CARHSP1: variants seen among roughly 807,000 people sequenced by gnomAD.
CARHSP1 encodes the protein calcium regulated heat stable protein 1.
In CARHSP1, 14 loss-of-function variants were observed where a neutral mutation model predicts 12.5. The observed-to-expected ratio is 1.12, with a 90% CI of 0.74 to 1.75. The LOEUF is 1.75. Ranked by LOEUF, CARHSP1 falls within the 40% of genes most tolerant of loss-of-function variation. The probability of loss-of-function intolerance (pLI) is 0.00; values close to 1 mark genes in which losing one functional copy is unlikely to be tolerated. For missense variants in CARHSP1, 343 were observed against 201.6 expected, an observed-to-expected ratio of 1.70 and a Z score of -4.25; for synonymous variants, 161 against 82.0, an observed-to-expected ratio of 1.96 and a Z score of -5.20.
Position 8,859,297 on chromosome 16 carries a change from G to A in CARHSP1, c.32C>T (p.Pro11Leu), listed in dbSNP as rs1331169856. The change falls in exon 2 of 4, where the codon CCC (proline) becomes CTC (leucine). Residue 11 changes from proline to leucine, a missense_variant. Coordinates refer to ENST00000311052, the MANE Select transcript of CARHSP1 (RefSeq NM_014316.4). ...CCCGACTGAAGCTTGATGGGTGGGG[G>A]GCTGTGGTGGTGGGGGAGGCTCAGA... MSSEPPPPPQ[P>L]PTHQASVGLL... The A allele has an allele frequency of 1.9e-6, 3 of 1,603,430 alleles. No homozygotes were observed. Among genetic ancestry groups the A allele is most frequent in the Non-Finnish European group, 1.7e-6 (2 of 1,177,964 alleles).
At chr16:8,861,524 C>A (rs2061354785) in intron 1 of CARHSP1, 2 of 1,066,436 alleles carry the variant, frequency 1.9e-6, no homozygotes, top group Non-Finnish European at 2.5e-6. Context: ...CCAGGCCCGA[C>A]TGCTCAGAGG....
Position 8,855,002 on chromosome 16 carries a change from C to T in CARHSP1, c.*162G>A, listed in dbSNP as rs1376656644. The T allele has an allele frequency of 1.1e-5, 6 of 522,762 alleles. No individual in the cohort carries two copies. Among genetic ancestry groups the T allele is most frequent in the Admixed American group, 3.7e-5 (1 of 27,288 alleles). 32.4% of individuals were successfully genotyped at this position (522,762 alleles called of 1,614,324 possible). ...GCTGATGGCCGGGAACACCCCACAC[C>T]CCACACCTGCCCCCCATACCCCTTC... On this transcript the variant is annotated 3_prime_UTR_variant, in exon 4 of 4. Coordinates refer to ENST00000311052, the MANE Select transcript of CARHSP1 (RefSeq NM_014316.4).
At chr16:8,856,625 G>A (rs574237348) in intron 3 of CARHSP1, among the ~76,000 whole-genome samples, 8 of 150,770 alleles carry the variant, frequency 5.3e-5, no homozygotes, top group South Asian at 4.2e-4. Context: ...AGCATGGGGC[G>A]GGGGTGGGCA....
At chr16:8,860,031 C>T (rs2061299773) in intron 1 of CARHSP1, 2 of 528,886 alleles carry the variant, frequency 3.8e-6, no homozygotes, top group African/African-American at 4.1e-5. Context: ...TAGATCCAAA[C>T]TCAGCCACTC....
At chr16:8,867,013 G>A (rs1162092434) in intron 1 of CARHSP1, among the ~76,000 whole-genome samples, 1 of 152,128 alleles carries the variant, frequency 6.6e-6, no homozygotes, top group Non-Finnish European at 1.5e-5. Flanking sequence ...GCCATTGCCT[G>A]TGCCCCCATT....
intron 2 of CARHSP1, 54 bp downstream of exon 2, chr16:8,859,117 G>A: frequency 2.0e-6 from 3 of 1,491,316 alleles, no homozygotes. Flanking sequence ...TGAATCTCTG[G>A]CCTCAGGCAA....
At position 8,853,603 on chromosome 16, in the gene CARHSP1, G is replaced by A. The variant is rs910168369; in HGVS notation, c.*1561C>T. 2.6e-5 allele frequency: 4 copies of A among 152,170 alleles called. No homozygotes were observed. Among genetic ancestry groups the A allele is most frequent in the East Asian group, 1.9e-4 (1 of 5,204 alleles). The allele number at this position is 152,170 out of a possible 1,614,324, so 9.4% of individuals were successfully genotyped here. On this transcript the variant is annotated 3_prime_UTR_variant, in exon 4 of 4. Coordinates refer to ENST00000311052, the MANE Select transcript of CARHSP1 (RefSeq NM_014316.4). ...TCATGCTTCCAGCATCAAACTGGACGTTTACTGTCTGCCCAAAAGCCAGTT... is the reference window on the plus strand; with the variant it reads ...TCATGCTTCCAGCATCAAACTGGACATTTACTGTCTGCCCAAAAGCCAGTT...
At chr16:8,858,678 C>G (rs954024254) in intron 2 of CARHSP1, 1 of 576,236 alleles carries the variant, frequency 1.7e-6, no homozygotes, top group South Asian at 2.6e-5. Context: ...TGACCCTGGC[C>G]AATTTTCTCG....
chr16:8,867,215 A>T (rs925722851), intron 1 of CARHSP1: 1 of 147,704 alleles, frequency 6.8e-6, no homozygotes, highest in East Asian at 2.0e-4. Flanking sequence ...CAATCCCTCC[A>T]TCCTTCCCTC....
At chr16:8,862,204 C>T (rs538237105) in intron 1 of CARHSP1, among the ~76,000 whole-genome samples, 1 of 151,930 alleles carries the variant, frequency 6.6e-6, no homozygotes, top group South Asian at 2.1e-4. Context: ...TACCCCTTGC[C>T]TGCTGTGTGG....
rs2061242233 is a variant in CARHSP1 at position 8,858,803 on chromosome 16, G to A, written c.159-331C>T. 4.3e-5 allele frequency: 18 copies of A among 418,302 alleles called. 1 individual carries two copies. In the South Asian group the frequency reaches 7.1e-4, roughly 17 times the overall value. The allele number at this position is 418,302 out of a possible 1,614,324, so 25.9% of individuals were successfully genotyped here. ...AGCATCCTCCACTCGCAAGGCCTGAGACCTGCATCTGCCAGGCATTATGTG... is the reference window on the plus strand; with the variant it reads ...AGCATCCTCCACTCGCAAGGCCTGAAACCTGCATCTGCCAGGCATTATGTG... On this transcript the variant is annotated intron_variant, in intron 2 of 3. Transcript: ENST00000311052.
intron 1 of CARHSP1, chr16:8,860,293 C>G (rs1360149923): frequency 2.0e-6 from 2 of 983,744 alleles, no homozygotes; most frequent in Non-Finnish European, 1.2e-6. Context: ...AATTTCCACA[C>G]AGCCCGGGTC....
chr16:8,858,252 ACACC>A, intron 3 of CARHSP1, 94 bp downstream of exon 3: 1 of 1,410,398 alleles, frequency 7.1e-7, no homozygotes, highest in Non-Finnish European at 9.6e-7. Flanking sequence ...ATTCGTCCTC[ACACC>A]CAGCGCCCAT....
In CARHSP1 at chr16:8,859,251, G is replaced by A; in HGVS notation, c.78C>T (p.Ser26=). ...ASVGLLDTPR[S]RERSPSPLRG... is the part of the protein sequence containing the mutation. Reference sequence around the variant, plus strand: ...GCAGAGGGGATGGTGAGCGCTCACGGCTCCGAGGGGTGTCCAGCAGCCCGA... The same window carrying A: ...GCAGAGGGGATGGTGAGCGCTCACGACTCCGAGGGGTGTCCAGCAGCCCGA... The change falls in exon 2 of 4, where the codon AGC becomes AGT. Residue 26 remains serine (S), a synonymous_variant. Coordinates refer to ENST00000311052, the MANE Select transcript of CARHSP1 (RefSeq NM_014316.4). 1.9e-6 allele frequency: 3 copies of A among 1,601,008 alleles called. No individual in the cohort carries two copies. Among genetic ancestry groups the A allele is most frequent in the Non-Finnish European group, 1.7e-6 (2 of 1,176,554 alleles).
chr16:8,865,084 G>C (rs1329956369), intron 1 of CARHSP1, among the ~76,000 whole-genome samples: 1 of 152,200 alleles, frequency 6.6e-6, no homozygotes, highest in Non-Finnish European at 1.5e-5. Context: ...ACTCTAGTAA[G>C]AGGGAGCTCA....
intron 1 of CARHSP1, among the ~76,000 whole-genome samples, chr16:8,863,998 C>T (rs2061414140): frequency 6.6e-6 from 1 of 152,156 alleles, no homozygotes; most frequent in African/African-American, 2.4e-5. Context: ...CTTCAGCTCC[C>T]CACAGCTGGG....
rs771310311 is a variant in CARHSP1, at chr16:8,858,335, C to T, written c.281+15G>A. 2 of 1,612,142 alleles carry T rather than the reference C, an allele frequency of 1.2e-6. No individual in the cohort carries two copies. The highest frequency in any genetic ancestry group is 1.7e-6 in the Non-Finnish European group (2 of 1,179,670). ...CCCACCCCAGCCAGGCCACCCAGAC[C>T]TGCCGCTGACTCACTCAGAGATGTG... is the stretch of plus-strand genomic sequence containing the variant. On this transcript the variant is annotated intron_variant, in intron 3 of 3. Transcript: ENST00000311052.
chr16:8,859,291 G>A lies in CARHSP1; in HGVS notation c.38C>T (p.Thr13Ile), dbSNP rs1181581992. Residue 13 changes from threonine (T) to isoleucine (I), a missense_variant, in exon 2 of 4, where the codon ACC becomes ATC. Transcript: ENST00000311052. The stretch of plus-strand genomic sequence containing the variant: ...CAGCAGCCCGACTGAAGCTTGATGG[G>A]TGGGGGGCTGTGGTGGTGGGGGAGG... ...SEPPPPPQPP[T>I]HQASVGLLDT... 1 of 1,603,580 alleles carries A rather than the reference G, an allele frequency of 6.2e-7. No homozygotes were observed. The highest frequency in any genetic ancestry group is 1.1e-5 in the South Asian group (1 of 89,778).
chr16:8,858,739 C>T, intron 2 of CARHSP1: 1 of 496,782 alleles, frequency 2.0e-6, no homozygotes, highest in African/African-American at 1.9e-5. Flanking sequence ...CATCACTGAA[C>T]ATCCCTCCAG....
Sources: gnomAD v4.1 joint callset for allele counts (sites outside exome capture counted in the v4.1 genomes callset) on GRCh38, gnomAD v4.1.1 for gene constraint, MANE v1.5 for transcripts, NCBI Gene and HGNC (gene_info 2026-07-23, HGNC 2026-07-21) for gene names.